The following UPF2 variants were observed in gnomAD, a reference collection of about 807,000 sequenced individuals.
UPF2 encodes the protein regulator of nonsense transcripts 2.
UPF2 carries 17 observed loss-of-function variants against 141.4 expected under a neutral mutation model. That is an observed-to-expected ratio of 0.12 (90% CI 0.08 to 0.18). UPF2 has a LOEUF of 0.18. UPF2 is among the 10% of genes least tolerant of loss of function. The pLI is 1.00. For missense variants in UPF2, 1,152 were observed against 1,515.9 expected, an observed-to-expected ratio of 0.76 and a Z score of 3.99; for synonymous variants, 540 against 498.0, an observed-to-expected ratio of 1.08 and a Z score of -1.12.
chr10:11,954,152 A>G (rs2131186624), intron 14 of UPF2, among the ~76,000 whole-genome samples: 1 of 152,286 alleles, frequency 6.6e-6, no homozygotes, highest in East Asian at 1.9e-4. Flanking sequence ...TAGAGGTTGT[A>G]GTACTGTCCC....
At position 12,016,346 on chromosome 10, in the gene UPF2, G is replaced by T. The variant is rs1161045554; in HGVS notation, c.1146-2162C>A. 6.6e-6 allele frequency among the ~76,000 whole-genome samples: 1 copy of T among 152,202 alleles called. No homozygotes were observed. The highest frequency in any genetic ancestry group is 2.4e-5 in the African/African-American group (1 of 41,548). Reference sequence around the variant, plus strand: ...CCCAAAATGTTGGGATTACAGGTGTGAGCCACCACACTCGGCCAAAATTAA... The same window carrying T: ...CCCAAAATGTTGGGATTACAGGTGTTAGCCACCACACTCGGCCAAAATTAA... On this transcript the variant is annotated intron_variant, in intron 3 of 21. Coordinates refer to ENST00000357604, the MANE Select transcript of UPF2 (RefSeq NM_015542.4). This position sits in a 1 kb window ranked among gnomAD's most constrained non-coding sequence, Gnocchi z 4.1.
At chr10:11,932,405 G>A (rs1832793774) in intron 19 of UPF2, among the ~76,000 whole-genome samples, 1 of 152,032 alleles carries the variant, frequency 6.6e-6, no homozygotes, top group African/African-American at 2.4e-5. Context: ...AAAAAGGTGA[G>A]AAATATAGGC....
In UPF2 at chr10:12,042,013, GAA is replaced by G. The variant is rs1834743819; in HGVS notation, c.-19+740_-19+741del. On this transcript the variant is annotated intron_variant, in intron 1 of 21. Transcript: ENST00000357604. This position sits in a 1 kb window ranked among gnomAD's most constrained non-coding sequence, Gnocchi z 5.5. ...TTCCTTAGTCCAACAGTCCTAGCAA[GAA>G]GAGAGTGCTTGGCGCCTTGAAGAGG... is the stretch of plus-strand genomic sequence containing the variant. Among the ~76,000 whole-genome samples, 1 of 152,116 alleles carries G rather than the reference GAA, an allele frequency of 6.6e-6. No homozygotes were observed. Among genetic ancestry groups the G allele is most frequent in the Non-Finnish European group, 1.5e-5 (1 of 68,022 alleles).
chr10:11,989,545 A>G (rs772075786), intron 8 of UPF2, among the ~76,000 whole-genome samples: 1 of 152,244 alleles, frequency 6.6e-6, no homozygotes, highest in Admixed American at 6.5e-5. Flanking sequence ...CAGCCAAACC[A>G]TGAGTATTTC....
intron 1 of UPF2, 74 bp from the exon 2 acceptor site, chr10:12,035,515 C>A: frequency 1.4e-6 from 2 of 1,433,386 alleles, no homozygotes; most frequent in Non-Finnish European, 1.8e-6. Context: ...TTTTTTTAAA[C>A]AGAACATATT....
intron 3 of UPF2, among the ~76,000 whole-genome samples, chr10:12,022,325 T>C (rs1012255487): frequency 2.6e-5 from 4 of 151,316 alleles, no homozygotes; most frequent in South Asian, 2.1e-4. Flanking sequence ...GGCAGGAGAA[T>C]TGCTTGAACC....
Position 11,921,878 on chromosome 10 carries a change from A to G in UPF2, c.3810-571T>C, listed in dbSNP as rs117556012. Reference sequence around the variant, plus strand: ...TATGGTTCAGTTGTGTATCCCCAAAATTCACATGTTAACACTGAACTGCAG... The same window carrying G: ...TATGGTTCAGTTGTGTATCCCCAAAGTTCACATGTTAACACTGAACTGCAG... On this transcript the variant is annotated intron_variant, in intron 21 of 21. Transcript: ENST00000357604. The surrounding 1 kb of genome is among the most constrained non-coding windows in gnomAD (Gnocchi z 5.9). Among the ~76,000 whole-genome samples, 9,131 of 152,254 alleles carry G rather than the reference A, an allele frequency of 0.06. 378 individuals are homozygous for G. Among genetic ancestry groups the G allele is most frequent in the Non-Finnish European group, 0.092 (6,243 of 68,002 alleles).
rs762906351 is a variant in UPF2 at position 11,954,338 on chromosome 10, T to TA, written c.2850+893dup. 6.1e-3 allele frequency among the ~76,000 whole-genome samples: 921 copies of TA among 151,306 alleles called. 3 individuals carry two copies. Among genetic ancestry groups the TA allele is most frequent in the Non-Finnish European group, 0.01 (694 of 67,764 alleles). On this transcript the variant is annotated intron_variant, in intron 14 of 21. Coordinates refer to ENST00000357604, the MANE Select transcript of UPF2 (RefSeq NM_015542.4). ...TCAAAAATGATAGGTTTTCTTTTTT[T>TA]AAAAAAAAATTAGGCTGGGCACAGT...
chr10:11,977,877 T>C (rs935685109), intron 9 of UPF2, among the ~76,000 whole-genome samples: 2 of 152,134 alleles, frequency 1.3e-5, no homozygotes, highest in African/African-American at 4.8e-5. Context: ...TTCCAACCTC[T>C]CTAAACATAG....
chr10:11,925,904 C>T (rs537193966), intron 21 of UPF2, among the ~76,000 whole-genome samples: 4 of 152,242 alleles, frequency 2.6e-5, no homozygotes, highest in African/African-American at 9.6e-5. Context: ...CTACAAGCCA[C>T]GAGGAGCCAT....
intron 18 of UPF2, among the ~76,000 whole-genome samples, chr10:11,937,504 A>G (rs892269141): frequency 6.6e-6 from 1 of 152,170 alleles, no homozygotes; most frequent in African/African-American, 2.4e-5. Flanking sequence ...AATGTTAAAG[A>G]CTTCATAAAC....
intron 9 of UPF2, among the ~76,000 whole-genome samples, chr10:11,971,851 G>T (rs1013478700): frequency 3.3e-5 from 5 of 152,040 alleles, no homozygotes; most frequent in East Asian, 3.9e-4. Context: ...ATCACTTAAG[G>T]TCAGGAGTTT....
chr10:11,942,866 A>C (rs1832953368), intron 17 of UPF2, 103 bp from the exon 18 acceptor site: 1 of 995,384 alleles, frequency 1.0e-6, no homozygotes, highest in African/African-American at 1.6e-5. Context: ...TAACTCAAGG[A>C]GTAAAGTGAG....
intron 1 of UPF2, among the ~76,000 whole-genome samples, chr10:12,041,358 T>G (rs1027811548): frequency 2.0e-5 from 3 of 152,086 alleles, no homozygotes; most frequent in African/African-American, 2.4e-5. Context: ...CAGACTACCC[T>G]TAAAAGGAAA....
At position 12,016,646 on chromosome 10, in the gene UPF2, A is replaced by G. The variant is rs377465916; in HGVS notation, c.1146-2462T>C. On this transcript the variant is annotated intron_variant, in intron 3 of 21. Transcript: ENST00000357604. The surrounding 1 kb of genome is among the most constrained non-coding windows in gnomAD (Gnocchi z 4.1). ...GAGGCAGAGGTTGCAGTGAGCCAAG[A>G]TTGCACCACTGTACTCCAGCCTGGG... Among the ~76,000 whole-genome samples the G allele has an allele frequency of 9.2e-5, 14 of 151,722 alleles. No individual in the cohort carries two copies. Among genetic ancestry groups the G allele is most frequent in the East Asian group, 5.8e-4 (3 of 5,140 alleles).
chr10:11,934,899 T>C lies in UPF2; in HGVS notation c.3546+1646A>G, dbSNP rs908697069. Among the ~76,000 whole-genome samples, 28 of 152,280 alleles carry C rather than the reference T, an allele frequency of 1.8e-4. No homozygotes were observed. In the South Asian group the frequency reaches 1.9e-3, roughly 10 times the overall value. On this transcript the variant is annotated intron_variant, in intron 19 of 21. Transcript: ENST00000357604. ...CACTATGCCCGGCCACACACCACAA[T>C]TCTAATTGGTATATAGGTGGTATCA...
chr10:11,976,776 G>A lies in UPF2; in HGVS notation c.1953+2281C>T, dbSNP rs546636631. ...GAGGAGATTAAGAATAGTAACACAA[G>A]TAAGAACCAGGAGAGAATGGTGGTA... On this transcript the variant is annotated intron_variant, in intron 9 of 21. Coordinates refer to ENST00000357604, the MANE Select transcript of UPF2 (RefSeq NM_015542.4). Among the ~76,000 whole-genome samples, 4 of 152,290 alleles carry A rather than the reference G, an allele frequency of 2.6e-5. No individual in the cohort carries two copies. In the East Asian group the frequency reaches 5.8e-4, roughly 22 times the overall value.
intron 14 of UPF2, among the ~76,000 whole-genome samples, chr10:11,954,643 A>AAAAAATAT (rs1439199969): frequency 1.8e-3 from 231 of 128,340 alleles, no homozygotes; most frequent in African/African-American, 5.0e-3. Flanking sequence ...CAAAAAAAAA[A>AAAAAATAT]ATATATATAT....
At chr10:11,952,395 C>A in intron 14 of UPF2, 146 bp from the exon 15 acceptor site, 2 of 631,490 alleles carry the variant, frequency 3.2e-6, no homozygotes, top group Non-Finnish European at 5.1e-6. Flanking sequence ...TAATGGTCAA[C>A]AGCAATGATC....
Sources: gnomAD v4.1 joint callset for allele counts (sites outside exome capture counted in the v4.1 genomes callset) on GRCh38, gnomAD v4.1.1 for gene constraint, Gnocchi (gnomAD v3.1) non-coding constraint, MANE v1.5 for transcripts, NCBI Gene and HGNC (gene_info 2026-07-23, HGNC 2026-07-21) for gene names.